Variants in COL18A1 observed in about 807,000 individuals in gnomAD.
The protein encoded by COL18A1 is collagen alpha-1(XVIII) chain.
A neutral mutation model predicts 168.0 loss-of-function variants in COL18A1; 133 were observed. The ratio of observed to expected loss-of-function variants is 0.79; its 90% CI spans 0.69 to 0.91. The LOEUF (loss-of-function observed/expected upper bound fraction) is 0.91. Ranked by LOEUF, COL18A1 falls within the 40% of genes least tolerant of loss-of-function variation. The pLI, the probability that COL18A1 is intolerant of heterozygous loss-of-function variation, is 0.00. For missense variants in COL18A1, 2,126 were observed against 1,925.4 expected, an observed-to-expected ratio of 1.10 and a Z score of -1.95; for synonymous variants, 949 against 809.0, an observed-to-expected ratio of 1.17 and a Z score of -2.94.
chr21:45,468,409 T>C lies in COL18A1; in HGVS notation c.274T>C (p.Phe92Leu), dbSNP rs777884882. Residue 92 changes from phenylalanine to leucine, a missense_variant, in exon 3 of 42, where the codon TTC (phenylalanine) becomes CTC (leucine). Phe to Leu is a conservative substitution (Grantham distance 22). Transcript: ENST00000651438. ...CTTCCCCAGCCTCTTCTTCCGTGAC[T>C]TCTCACTGCTGTTCCACATCCGGCC... ...YHFPSLFFRDFSLLFHIRPAT... is the reference protein window; with the variant it reads ...YHFPSLFFRDLSLLFHIRPAT... 2.7e-5 allele frequency: 43 copies of C among 1,613,918 alleles called. No homozygotes were observed. In the Admixed American group the frequency reaches 6.7e-4, roughly 25 times the overall value.
chr21:45,504,663 C>T, intron 34 of COL18A1, 107 bp downstream of exon 34: 2 of 977,084 alleles, frequency 2.0e-6, no homozygotes, highest in Non-Finnish European at 3.1e-6. Context: ...CGGAGCTGCC[C>T]CTGCAAGCTC....
At chr21:45,466,595 T>A (rs1242241284) in intron 2 of COL18A1, among the ~76,000 whole-genome samples, 1 of 152,210 alleles carries the variant, frequency 6.6e-6, no homozygotes, top group Non-Finnish European at 1.5e-5. Flanking sequence ...GGCTGCGCCA[T>A]TCTCTGCCCA....
At chr21:45,433,915 C>T (rs1043216981) in intron 2 of COL18A1, among the ~76,000 whole-genome samples, 4 of 152,032 alleles carry the variant, frequency 2.6e-5, no homozygotes, top group African/African-American at 7.2e-5. Flanking sequence ...CAGGTGAGCC[C>T]CCCAGGAACC....
rs374473121 is a variant in COL18A1, at chr21:45,430,734, AGG to A, written c.106+25263_106+25264del. 2.3e-3 allele frequency among the ~76,000 whole-genome samples: 347 copies of A among 152,270 alleles called. 4 individuals are homozygous for A. The highest frequency in any genetic ancestry group is 8.1e-3 in the African/African-American group (338 of 41,542). The stretch of plus-strand genomic sequence containing the variant: ...TTTCTAGGCAGGAGGCTGCACTGCA[AGG>A]GAGCGTCAGTGGCCCGGCTGGCTTT... On this transcript the variant is annotated intron_variant, in intron 2 of 41. Transcript: ENST00000651438.
At chr21:45,429,970 C>T (rs937714458) in intron 2 of COL18A1, among the ~76,000 whole-genome samples, 6 of 151,426 alleles carry the variant, frequency 4.0e-5, no homozygotes, top group Non-Finnish European at 3.0e-5. Flanking sequence ...AGCGCCCTCT[C>T]GTCCTCTCCT....
chr21:45,455,690 G>A (rs1304656543), intron 2 of COL18A1: 2 of 1,614,014 alleles, frequency 1.2e-6, no homozygotes, highest in South Asian at 1.1e-5. Flanking sequence ...GCCCCTGCCT[G>A]TGCAGCCCAC....
At chr21:45,426,100 C>T (rs2838922) in intron 2 of COL18A1, among the ~76,000 whole-genome samples, 24,104 of 151,926 alleles carry the variant, frequency 0.16, 2,393 homozygotes, top group African/African-American at 0.28. Flanking sequence ...GAGTGACTTT[C>T]GAGTTACTTT....
rs1018432785 is a variant in COL18A1 at position 45,471,849 on chromosome 21, AG to A, written c.652-2044del. ...ACAGAATTCCTGTGAGCTCTGTTTC[AG>A]GTGTCTCCGGATTTCATAACTTTCA... On this transcript the variant is annotated intron_variant, in intron 3 of 41. Coordinates refer to ENST00000651438, the MANE Select transcript of COL18A1 (RefSeq NM_001379500.1). The surrounding 1 kb of genome is among the most constrained non-coding windows in gnomAD (Gnocchi z 4.4). Among the ~76,000 whole-genome samples the A allele has an allele frequency of 6.6e-6, 1 of 152,114 alleles. No homozygotes were observed. Among genetic ancestry groups the A allele is most frequent in the Non-Finnish European group, 1.5e-5 (1 of 68,030 alleles).
In COL18A1 at chr21:45,477,982, C is replaced by G. The variant is rs2035742168; in HGVS notation, c.1221+17C>G. 2.2e-6 allele frequency: 3 copies of G among 1,345,574 alleles called. No homozygotes were observed. The highest frequency in any genetic ancestry group is 1.4e-5 in the African/African-American group (1 of 69,118). The allele number at this position is 1,345,574 out of a possible 1,614,324, so 83.4% of individuals were successfully genotyped here. A position where few individuals can be genotyped will look rare whatever the true frequency, so the allele number is the denominator to read the frequency against. On this transcript the variant is annotated intron_variant, in intron 8 of 41. Transcript: ENST00000651438. Reference sequence around the variant, plus strand: ...GGCGAGCCGGTGAGTCCTCACGTCCCCCCGAGTCCGGCCCGGTCTGGAGGG... The same window carrying G: ...GGCGAGCCGGTGAGTCCTCACGTCCGCCCGAGTCCGGCCCGGTCTGGAGGG...
chr21:45,497,241 CT>C (rs2036574588), intron 31 of COL18A1, 149 bp downstream of exon 31: 3 of 706,116 alleles, frequency 4.2e-6, no homozygotes, highest in Non-Finnish European at 7.6e-6. Context: ...TTCCGATGAC[CT>C]TGGCCCTTCC....
At position 45,463,326 on chromosome 21, in the gene COL18A1, G is replaced by A. The variant is rs1173771232; in HGVS notation, c.107-4916G>A. Among the ~76,000 whole-genome samples, 3 of 152,228 alleles carry A rather than the reference G, an allele frequency of 2.0e-5. No homozygotes were observed. Among genetic ancestry groups the A allele is most frequent in the Non-Finnish European group, 4.4e-5 (3 of 68,052 alleles). On this transcript the variant is annotated intron_variant, in intron 2 of 41. Coordinates refer to ENST00000651438, the MANE Select transcript of COL18A1 (RefSeq NM_001379500.1). This position sits in a 1 kb window ranked among gnomAD's most constrained non-coding sequence, Gnocchi z 4.0. ...TGTGTGGCTGCTGCTCCAGGAACTC[G>A]TGCATGGCACCTGCTATGGGAATGG...
chr21:45,479,615 A>G (rs1345621948), intron 9 of COL18A1, among the ~76,000 whole-genome samples: 1 of 145,260 alleles, frequency 6.9e-6, no homozygotes, highest in Admixed American at 7.0e-5. Flanking sequence ...ACACACACAC[A>G]CATGTATGTA....
chr21:45,504,437 G>A lies in COL18A1; in HGVS notation c.2749G>A (p.Asp917Asn). The change falls in exon 34 of 42, where the codon GAT (aspartate) becomes AAT (asparagine). Residue 917 changes from aspartate (D) to asparagine (N), a missense_variant. Transcript: ENST00000651438. ...EMKGEKGDRG[D>N]AGQKGERGEP... ...ACAGGGGGAGAAGGGAGACCGAGGT[G>A]ATGCAGGACAGAAAGGCGAAAGGGG... The A allele has an allele frequency of 6.2e-7, 1 of 1,611,824 alleles. No individual in the cohort carries two copies. The highest frequency in any genetic ancestry group is 1.3e-5 in the African/African-American group (1 of 75,036).
In COL18A1 at chr21:45,512,631, A is replaced by T. The variant is rs1192951666; in HGVS notation, c.*233A>T. 1.0e-5 allele frequency: 6 copies of T among 584,632 alleles called. No individual in the cohort carries two copies. Among genetic ancestry groups the T allele is most frequent in the Admixed American group, 3.0e-5 (1 of 33,696 alleles). 36.2% of individuals were successfully genotyped at this position (584,632 alleles called of 1,614,324 possible). ...ATTCACCTGCCCCAACTCTCCCCTG[A>T]CCTGTGAGCCCAGCTGGGTCAGGCA... On this transcript the variant is annotated 3_prime_UTR_variant, in exon 42 of 42. Transcript: ENST00000651438.
intron 29 of COL18A1, chr21:45,495,983 A>G (rs1568928345): frequency 5.9e-6 from 2 of 340,442 alleles, no homozygotes; most frequent in Non-Finnish European, 1.2e-5. Context: ...CATACACACC[A>G]ATACACATAT....
In COL18A1 at chr21:45,490,859, C is replaced by T; in HGVS notation, c.2055C>T (p.Ser685=). Residue 685 remains serine (S), a synonymous_variant, in exon 21 of 42, where the codon AGC becomes AGT. Coordinates refer to ENST00000651438, the MANE Select transcript of COL18A1 (RefSeq NM_001379500.1). ...AGGGGCCAAAGGGAGACAGAGGCAG[C>T]CGGGGAGAAAAGGTGAGTGTCCCTG... ...GPQGPKGDRG[S]RGEKGDPGKD... 3.2e-6 allele frequency: 5 copies of T among 1,550,044 alleles called. No homozygotes were observed. Among genetic ancestry groups the T allele is most frequent in the Non-Finnish European group, 4.4e-6 (5 of 1,146,790 alleles).
chr21:45,421,451 G>A (rs1451288572), intron 2 of COL18A1: 1 of 534,594 alleles, frequency 1.9e-6, no homozygotes, highest in Admixed American at 1.9e-5. Context: ...TGCAGTGACA[G>A]CCCTGGCGTC....
At chr21:45,500,930 G>C (rs2036773581) in intron 32 of COL18A1, among the ~76,000 whole-genome samples, 1 of 41,978 alleles carries the variant, frequency 2.4e-5, no homozygotes, top group African/African-American at 9.0e-5. Context: ...GTGTGTGTTG[G>C]GTGTGTAGTG....
chr21:45,468,045 C>T (rs1264129591), intron 2 of COL18A1, among the ~76,000 whole-genome samples, 197 bp from the exon 3 acceptor site: 6 of 152,212 alleles, frequency 3.9e-5, no homozygotes, highest in Non-Finnish European at 2.9e-5. Flanking sequence ...GCCTGCCTGT[C>T]GTTTGGGAAT....
Sources: gnomAD v4.1 joint callset for allele counts (sites outside exome capture counted in the v4.1 genomes callset) on GRCh38, gnomAD v4.1.1 for gene constraint, Gnocchi (gnomAD v3.1) non-coding constraint, MANE v1.5 for transcripts, NCBI Gene and HGNC (gene_info 2026-07-23, HGNC 2026-07-21) for gene names.